SLC22A5: variants seen among roughly 807,000 people sequenced by gnomAD.
The protein encoded by SLC22A5 is solute carrier family 22 member 5, also known as organic cation/carnitine transporter 2.
A neutral mutation model predicts 56.7 loss-of-function variants in SLC22A5; 44 were observed. That is an observed-to-expected ratio of 0.78 (90% CI 0.61 to 1.00). The LOEUF (loss-of-function observed/expected upper bound fraction) is 1.00. Among genes scored for constraint, SLC22A5 ranks in the 50% least tolerant of loss-of-function variants. The pLI is 0.00. For synonymous variants in SLC22A5, 278 were observed against 292.1 expected, an observed-to-expected ratio of 0.95 and a Z score of 0.49; for missense variants, 675 against 723.0, an observed-to-expected ratio of 0.93 and a Z score of 0.76.
Position 132,388,862 on chromosome 5 carries a change from T to C in SLC22A5, c.952-59T>C, listed in dbSNP as rs746974142. On this transcript the variant is annotated intron_variant, in intron 5 of 9. Transcript: ENST00000245407. ...TGCCAGGGATTCAAGTATGTTATTG[T>C]GTGCTCTGAGTCTCTGACCACCTCT... 1.8e-5 allele frequency: 19 copies of C among 1,050,378 alleles called. No homozygotes were observed. The Admixed American group carries it at 3.2e-4, about 18-fold the overall frequency. 65.1% of individuals were successfully genotyped at this position (1,050,378 alleles called of 1,614,324 possible). A position where few individuals can be genotyped will look rare whatever the true frequency, so the allele number is the denominator to read the frequency against.
chr5:132,384,174 G>A lies in SLC22A5; in HGVS notation c.525G>A (p.Val175=). ...TTGGCCGGAAGAATGTGCTGTTCGTGACCATGGGCATGCAGACAGGCTTCA... is the reference window on the plus strand; with the variant it reads ...TTGGCCGGAAGAATGTGCTGTTCGTAACCATGGGCATGCAGACAGGCTTCA... The part of the protein sequence containing the change: ...DRFGRKNVLF[V]TMGMQTGFSF... Residue 175 remains valine, a synonymous_variant, in exon 3 of 10, where the codon GTG becomes GTA. Transcript: ENST00000245407. 6.2e-7 allele frequency: 1 copy of A among 1,614,234 alleles called. No homozygotes were observed. Among genetic ancestry groups the A allele is most frequent in the Non-Finnish European group, 8.5e-7 (1 of 1,180,044 alleles).
At position 132,369,798 on chromosome 5, in the gene SLC22A5, C is replaced by A; in HGVS notation, c.-175C>A. 2.5e-6 allele frequency: 2 copies of A among 799,382 alleles called. No homozygotes were observed. Among genetic ancestry groups the A allele is most frequent in the Non-Finnish European group, 3.7e-6 (2 of 533,832 alleles). 49.5% of individuals were successfully genotyped at this position (799,382 alleles called of 1,614,324 possible). On this transcript the variant is annotated 5_prime_UTR_variant, in exon 1 of 10. Coordinates refer to ENST00000245407, the MANE Select transcript of SLC22A5 (RefSeq NM_003060.4). ...CCCTGGTCGTGCGCCCTATGTAAGG[C>A]CAGCCGCGGCAGGACCAAGGCGGCG...
intron 2 of SLC22A5, chr5:132,381,588 T>C (rs977197868): frequency 2.0e-5 from 3 of 152,362 alleles, no homozygotes; most frequent in African/African-American, 7.2e-5. Flanking sequence ...TTTTATATAG[T>C]ATAAAGGTTT....
Position 132,370,067 on chromosome 5 carries a change from A to T in SLC22A5, c.95A>T (p.Asn32Ile). The T allele has an allele frequency of 6.2e-7, 1 of 1,612,964 alleles. No individual in the cohort carries two copies. The highest frequency in any genetic ancestry group is 8.5e-7 in the Non-Finnish European group (1 of 1,179,612). ...CTGCTCAGCGCCAGCATCATCCCCA[A>T]TGGCTTCACCGGCCTGTCCTCCGTG... ...FFLLSASIIP[N>I]GFTGLSSVFL... Residue 32 changes from asparagine (N) to isoleucine (I), a missense_variant, in exon 1 of 10, where the codon AAT becomes ATT. Asn to Ile is a moderately radical substitution (Grantham distance 149, BLOSUM62 -3). Coordinates refer to ENST00000245407, the MANE Select transcript of SLC22A5 (RefSeq NM_003060.4).
chr5:132,373,263 G>A (rs577246010), intron 1 of SLC22A5, among the ~76,000 whole-genome samples: 2 of 152,366 alleles, frequency 1.3e-5, no homozygotes, highest in African/African-American at 4.8e-5. Flanking sequence ...GACTCCCCCT[G>A]CCCACTGACT....
chr5:132,390,856 C>G lies in SLC22A5; in HGVS notation c.1219C>G (p.Leu407Val), dbSNP rs754913053. 1.2e-6 allele frequency: 2 copies of G among 1,614,238 alleles called. No homozygotes were observed. The highest frequency in any genetic ancestry group is 1.1e-5 in the South Asian group (1 of 91,088). ...CCGGCGCTATTCCATGGCCACTGCC[C>G]TCTTCCTGGGTGGCAGTGTCCTTCT... ...LPRRYSMATA[L>V]FLGGSVLLFM... Residue 407 changes from leucine (L) to valine (V), a missense_variant, in exon 7 of 10, where the codon CTC becomes GTC. By Grantham distance (32) the Leu-to-Val change is conservative (BLOSUM62 1). Transcript: ENST00000245407.
chr5:132,387,249 G>C, intron 5 of SLC22A5, 98 bp downstream of exon 5: 5 of 1,464,458 alleles, frequency 3.4e-6, no homozygotes, highest in Non-Finnish European at 4.8e-6. Context: ...CAGCAGCCCA[G>C]CCCTCTCTCC....
chr5:132,389,420 G>T (rs890186332), intron 6 of SLC22A5: 2 of 315,578 alleles, frequency 6.3e-6, no homozygotes, highest in Non-Finnish European at 1.2e-5. Flanking sequence ...GAGGCTGCCA[G>T]TTACTTTCTG....
chr5:132,392,686 G>C, intron 8 of SLC22A5, 71 bp downstream of exon 8: 1 of 1,351,674 alleles, frequency 7.4e-7, no homozygotes, highest in Non-Finnish European at 1.1e-6. Flanking sequence ...ATGTGAGCTG[G>C]AGGTTGCGTG....
intron 1 of SLC22A5, among the ~76,000 whole-genome samples, chr5:132,375,797 T>A (rs1426241902): frequency 1.3e-5 from 2 of 152,200 alleles, no homozygotes; most frequent in Non-Finnish European, 2.9e-5. Flanking sequence ...CCAGATTGTT[T>A]TCAGGTTGGG....
intron 5 of SLC22A5, among the ~76,000 whole-genome samples, chr5:132,388,634 G>A (rs1752607752): frequency 6.6e-6 from 1 of 152,102 alleles, no homozygotes; most frequent in East Asian, 1.9e-4. Flanking sequence ...GAATATGTGG[G>A]GGTGCAGTGA....
At chr5:132,392,722 T>A in intron 8 of SLC22A5, 107 bp downstream of exon 8, 1 of 930,838 alleles carries the variant, frequency 1.1e-6, no homozygotes, top group Non-Finnish European at 1.7e-6. Flanking sequence ...GTTCATACAG[T>A]ACATGGGCTC....
chr5:132,395,056 G>A lies in SLC22A5; in HGVS notation c.*784G>A, dbSNP rs1752830099. 6.6e-6 allele frequency: 1 copy of A among 152,322 alleles called. No homozygotes were observed. The highest frequency in any genetic ancestry group is 1.5e-5 in the Non-Finnish European group (1 of 68,034). The allele number at this position is 152,322 out of a possible 1,614,324, so 9.4% of individuals were successfully genotyped here. On this transcript the variant is annotated 3_prime_UTR_variant, in exon 10 of 10. Transcript: ENST00000245407. Reference sequence around the variant, plus strand: ...GTATGGTTTAAAGGAAATTTATCAGGTGAGAGAGATGAGCAACGTTGTCTT... The same window carrying A: ...GTATGGTTTAAAGGAAATTTATCAGATGAGAGAGATGAGCAACGTTGTCTT...
chr5:132,370,953 C>CTTTTTTTTTTTTTTTTTTTTTT (rs750736082), intron 1 of SLC22A5, among the ~76,000 whole-genome samples: 4 of 133,786 alleles, frequency 3.0e-5, no homozygotes, highest in African/African-American at 1.1e-4. Context: ...AGTTGTCAGT[C>CTTTTTTTTTTTTTTTTTTTTTT]TTTTTTTTTT....
intron 1 of SLC22A5, among the ~76,000 whole-genome samples, chr5:132,375,688 G>A (rs1420319938): frequency 6.6e-6 from 1 of 152,180 alleles, no homozygotes; most frequent in Non-Finnish European, 1.5e-5. Flanking sequence ...ATGCAATTTG[G>A]CACACATGTA....
Position 132,370,149 on chromosome 5 carries a change from C to G in SLC22A5, c.177C>G (p.Ser59Arg), listed in dbSNP as rs761687115. 1 of 1,608,976 alleles carries G rather than the reference C, an allele frequency of 6.2e-7. No homozygotes were observed. The highest frequency in any genetic ancestry group is 1.1e-5 in the South Asian group (1 of 90,694). Residue 59 changes from serine (S) to arginine (R), a missense_variant, in exon 1 of 10, where the codon AGC (serine) becomes AGG (arginine). Coordinates refer to ENST00000245407, the MANE Select transcript of SLC22A5 (RefSeq NM_003060.4). ...RCRVPDAANL[S>R]SAWRNHTVPL... ...GGGTGCCGGACGCCGCGAACCTGAG[C>G]AGCGCCTGGCGCAACCACACTGTCC... is the stretch of plus-strand genomic sequence containing the variant.
At chr5:132,371,170 T>C (rs1002464076) in intron 1 of SLC22A5, among the ~76,000 whole-genome samples, 1 of 152,182 alleles carries the variant, frequency 6.6e-6, no homozygotes, top group Non-Finnish European at 1.5e-5. Context: ...TTTCACCGTG[T>C]TGGCCAGGAT....
intron 4 of SLC22A5, among the ~76,000 whole-genome samples, chr5:132,386,119 G>T (rs61691968): frequency 7.0e-4 from 107 of 152,298 alleles, no homozygotes; most frequent in African/African-American, 2.5e-3. Context: ...ACCGAGGGTG[G>T]GGGGCGGCTA....
intron 1 of SLC22A5, among the ~76,000 whole-genome samples, chr5:132,371,266 G>A (rs1487583007): frequency 1.3e-5 from 2 of 152,184 alleles, no homozygotes; most frequent in East Asian, 3.8e-4. Flanking sequence ...CAGGCCGTCA[G>A]TTGTCACTCT....
Sources: allele counts gnomAD v4.1 joint callset (sites outside exome capture counted in the v4.1 genomes callset), GRCh38; gene constraint gnomAD v4.1.1; transcripts MANE v1.5; gene names NCBI Gene and HGNC (gene_info 2026-07-23, HGNC 2026-07-21).